PKNOX2: variants seen among roughly 807,000 people sequenced by gnomAD.
PKNOX2 encodes the protein homeobox protein PKNOX2.
Under a neutral mutation model 53.1 loss-of-function variants are expected in PKNOX2, and 14 were observed. The ratio of observed to expected loss-of-function variants is 0.26; its 90% confidence interval spans 0.17 to 0.41. The LOEUF (loss-of-function observed/expected upper bound fraction) is 0.41. Among genes scored for constraint, PKNOX2 ranks in the 10% least tolerant of loss-of-function variants. The pLI is 1.00. For synonymous variants in PKNOX2, 257 were observed against 242.8 expected, an observed-to-expected ratio of 1.06 and a Z score of -0.54; for missense variants, 496 against 602.8, an observed-to-expected ratio of 0.82 and a Z score of 1.85.
At chr11:125,277,959 A>G (rs569849508) in intron 2 of PKNOX2, among the ~76,000 whole-genome samples, 1 of 152,254 alleles carries the variant, frequency 6.6e-6, no homozygotes, top group Non-Finnish European at 1.5e-5. Context: ...GCTCATGCCT[A>G]TAATCACAAC....
intron 5 of PKNOX2, among the ~76,000 whole-genome samples, chr11:125,380,063 A>G (rs1364272973): frequency 3.3e-5 from 5 of 152,008 alleles, no homozygotes; most frequent in Non-Finnish European, 7.4e-5. Flanking sequence ...GTTATTCGCG[A>G]TCATCTCTTC....
chr11:125,378,586 G>T (rs1952987043), intron 5 of PKNOX2, among the ~76,000 whole-genome samples: 1 of 152,204 alleles, frequency 6.6e-6, no homozygotes, highest in Non-Finnish European at 1.5e-5. Context: ...AAGGAGCCGG[G>T]GGGCTCCAAG....
chr11:125,387,541 G>A (rs925075965), intron 6 of PKNOX2, among the ~76,000 whole-genome samples: 5 of 152,096 alleles, frequency 3.3e-5, no homozygotes, highest in African/African-American at 1.2e-4. Flanking sequence ...CCAACATGAG[G>A]TAGGTTCCCC....
chr11:125,430,769 A>G (rs1415573374), intron 12 of PKNOX2, among the ~76,000 whole-genome samples: 1 of 151,196 alleles, frequency 6.6e-6, no homozygotes, highest in Non-Finnish European at 1.5e-5. Context: ...AAAAAAAAAA[A>G]CAGATTTAGG....
chr11:125,262,296 G>C (rs1035551206), intron 2 of PKNOX2, among the ~76,000 whole-genome samples: 1 of 152,152 alleles, frequency 6.6e-6, no homozygotes, highest in Non-Finnish European at 1.5e-5. Context: ...TGGGGACGAA[G>C]GTCAGAACAG....
chr11:125,343,966 C>T (rs1051560642), intron 3 of PKNOX2, among the ~76,000 whole-genome samples: 1 of 152,202 alleles, frequency 6.6e-6, no homozygotes, highest in African/African-American at 2.4e-5. Context: ...TGGGGCTCCT[C>T]TCTGGGAAAC....
At chr11:125,290,209 C>T (rs1189386289) in intron 2 of PKNOX2, among the ~76,000 whole-genome samples, 1 of 152,198 alleles carries the variant, frequency 6.6e-6, no homozygotes, top group Non-Finnish European at 1.5e-5. Context: ...ATCCTTGGAG[C>T]AGCCGCAGAC....
intron 2 of PKNOX2, among the ~76,000 whole-genome samples, chr11:125,305,814 G>A (rs1948410156): frequency 6.6e-6 from 1 of 152,144 alleles, no homozygotes; most frequent in Non-Finnish European, 1.5e-5. Flanking sequence ...AAAGAGCAGA[G>A]CTATAAATCC....
At chr11:125,214,763 C>T (rs764411568) in intron 1 of PKNOX2, among the ~76,000 whole-genome samples, 1 of 152,040 alleles carries the variant, frequency 6.6e-6, no homozygotes, top group Non-Finnish European at 1.5e-5. Flanking sequence ...CTTCCCTCTC[C>T]ACCCTCCTCT....
chr11:125,173,950 G>C (rs984405913), intron 1 of PKNOX2, among the ~76,000 whole-genome samples: 9 of 152,180 alleles, frequency 5.9e-5, no homozygotes, highest in African/African-American at 2.2e-4. Flanking sequence ...TAGCACAATG[G>C]GTCTGTGCTG....
At chr11:125,395,049 G>A (rs1954298766) in intron 6 of PKNOX2, among the ~76,000 whole-genome samples, 1 of 152,106 alleles carries the variant, frequency 6.6e-6, no homozygotes, top group Non-Finnish European at 1.5e-5. Flanking sequence ...TTATAGCAAA[G>A]TACAGAACAG....
At chr11:125,396,487 T>C (rs1954408059) in intron 6 of PKNOX2, among the ~76,000 whole-genome samples, 1 of 152,052 alleles carries the variant, frequency 6.6e-6, no homozygotes, top group South Asian at 2.1e-4. Flanking sequence ...TGAAAAGCAA[T>C]TTGGCAATAT....
At chr11:125,241,611 C>T (rs918091409) in intron 2 of PKNOX2, among the ~76,000 whole-genome samples, 4 of 152,224 alleles carry the variant, frequency 2.6e-5, no homozygotes, top group Non-Finnish European at 4.4e-5. Flanking sequence ...AATCCCAGCA[C>T]TTTGGGAGGG....
At chr11:125,248,608 T>C (rs1218073497) in intron 2 of PKNOX2, among the ~76,000 whole-genome samples, 85 of 149,460 alleles carry the variant, frequency 5.7e-4, no homozygotes, top group Non-Finnish European at 8.9e-5. Context: ...AGATGTATTA[T>C]ATATAAGATA....
At chr11:125,399,355 G>C (rs998939046) in intron 7 of PKNOX2, among the ~76,000 whole-genome samples, 2 of 152,210 alleles carry the variant, frequency 1.3e-5, no homozygotes, top group African/African-American at 4.8e-5. Context: ...AAATTAGCAA[G>C]AAACTTGCAT....
chr11:125,166,194 T>A lies in PKNOX2; in HGVS notation c.-201+1418T>A, dbSNP rs1355367104. On this transcript the variant is annotated intron_variant, in intron 1 of 12. Coordinates refer to ENST00000298282, the MANE Select transcript of PKNOX2 (RefSeq NM_001382323.2). This position sits in a 1 kb window ranked among gnomAD's most constrained non-coding sequence, Gnocchi z 4.0. ...TTGGGGGCTGGAGGAACGGGTGGCG[T>A]TTTTAGGATTCAGTAACAGGATCAC... 5.9e-5 allele frequency among the ~76,000 whole-genome samples: 9 copies of A among 151,544 alleles called. No homozygotes were observed.
intron 1 of PKNOX2, among the ~76,000 whole-genome samples, chr11:125,208,023 A>T (rs974050437): frequency 2.6e-5 from 4 of 152,144 alleles, no homozygotes; most frequent in Non-Finnish European, 5.9e-5. Flanking sequence ...GACAAATGTA[A>T]GTAGCTGTAA....
chr11:125,361,507 T>G (rs909878636), intron 4 of PKNOX2, among the ~76,000 whole-genome samples: 1 of 152,218 alleles, frequency 6.6e-6, no homozygotes, highest in African/African-American at 2.4e-5. Flanking sequence ...AAACCCACGC[T>G]TCTGCTCTCC....
intron 10 of PKNOX2, among the ~76,000 whole-genome samples, chr11:125,416,120 G>A (rs1373300291): frequency 1.3e-5 from 2 of 151,470 alleles, no homozygotes; most frequent in African/African-American, 4.9e-5. Flanking sequence ...CGGCTAAAAC[G>A]GTGAAACCCC....
Sources: gnomAD v4.1 joint callset for allele counts (sites outside exome capture counted in the v4.1 genomes callset) on GRCh38, gnomAD v4.1.1 for gene constraint, Gnocchi (gnomAD v3.1) non-coding constraint, MANE v1.5 for transcripts, NCBI Gene and HGNC (gene_info 2026-07-23, HGNC 2026-07-21) for gene names.